The following TM9SF3 variants were observed in gnomAD, a reference collection of about 807,000 sequenced individuals.
TM9SF3 encodes the protein SM-11044-binding protein.
Under a neutral mutation model 78.6 loss-of-function variants are expected in TM9SF3, and 14 were observed. The ratio of observed to expected loss-of-function variants is 0.18; its 90% CI spans 0.12 to 0.28. The LOEUF is 0.28. Ranked by LOEUF, TM9SF3 falls within the 10% of genes least tolerant of loss-of-function variation. TM9SF3 has a pLI of 1.00. For synonymous variants in TM9SF3, 231 were observed against 241.7 expected, an observed-to-expected ratio of 0.96 and a Z score of 0.41; for missense variants, 496 against 721.9, an observed-to-expected ratio of 0.69 and a Z score of 3.59.
chr10:96,544,055 A>T (rs751674586), intron 9 of TM9SF3, 21 bp downstream of exon 9: 1 of 1,572,626 alleles, frequency 6.4e-7, no homozygotes, highest in South Asian at 1.2e-5. Flanking sequence ...TCAGTTTAAA[A>T]GTAAGATTCA....
At chr10:96,584,339 A>G (rs1334999436) in intron 1 of TM9SF3, among the ~76,000 whole-genome samples, 1 of 152,248 alleles carries the variant, frequency 6.6e-6, no homozygotes, top group African/African-American at 2.4e-5. Context: ...CGGTACTACT[A>G]TCTGGCTAAG....
At chr10:96,576,522 T>A in intron 2 of TM9SF3, 112 bp downstream of exon 2, 2 of 1,022,362 alleles carry the variant, frequency 2.0e-6, no homozygotes, top group Non-Finnish European at 2.8e-6. Context: ...AACATGTACA[T>A]AACAGCTCCA....
At chr10:96,571,527 T>C (rs1490794807) in intron 2 of TM9SF3, among the ~76,000 whole-genome samples, 1 of 152,196 alleles carries the variant, frequency 6.6e-6, no homozygotes, top group African/African-American at 2.4e-5. Context: ...TCCTCACCTT[T>C]TGGCAATCAG....
At chr10:96,575,506 T>C (rs1848486777) in intron 2 of TM9SF3, among the ~76,000 whole-genome samples, 1 of 152,082 alleles carries the variant, frequency 6.6e-6, no homozygotes, top group African/African-American at 2.4e-5. Flanking sequence ...GTATACCTAT[T>C]TTCAACAATA....
At chr10:96,532,268 T>TA (rs1847906869) in intron 10 of TM9SF3, among the ~76,000 whole-genome samples, 1 of 151,764 alleles carries the variant, frequency 6.6e-6, no homozygotes, top group Admixed American at 6.6e-5. Context: ...ACAAAAGTTC[T>TA]AACTAAAGTC....
In TM9SF3 at chr10:96,586,999, C is replaced by T; in HGVS notation, c.-164G>A. 2 of 393,908 alleles carry T rather than the reference C, an allele frequency of 5.1e-6. No individual in the cohort carries two copies. The highest frequency in any genetic ancestry group is 7.7e-6 in the Non-Finnish European group (2 of 260,432). The allele number at this position is 393,908 out of a possible 1,614,324, so 24.4% of individuals were successfully genotyped here. On this transcript the variant is annotated 5_prime_UTR_variant, in exon 1 of 15. Coordinates refer to ENST00000371142, the MANE Select transcript of TM9SF3 (RefSeq NM_020123.4). ...CCTCCTCTGCCGCCGCCGTCGCCGT[C>T]ACCGCCCGCTCCTGAGCCTCCCCCG...
intron 14 of TM9SF3, among the ~76,000 whole-genome samples, chr10:96,526,997 C>T (rs928248296): frequency 2.0e-5 from 3 of 151,940 alleles, no homozygotes; most frequent in Non-Finnish European, 4.4e-5. Flanking sequence ...AAATTCTGTG[C>T]TATACAGAAT....
intron 1 of TM9SF3, among the ~76,000 whole-genome samples, chr10:96,579,465 T>C (rs1848535646): frequency 6.6e-6 from 1 of 152,380 alleles, no homozygotes; most frequent in Non-Finnish European, 1.5e-5. Context: ...AGGGCATCCA[T>C]TTATTTTATA....
At position 96,535,963 on chromosome 10, in the gene TM9SF3, C is replaced by G. The variant is rs74151374; in HGVS notation, c.1186-2773G>C. Among the ~76,000 whole-genome samples, 962 of 152,188 alleles carry G rather than the reference C, an allele frequency of 6.3e-3. 13 individuals are homozygous for G. The highest frequency in any genetic ancestry group is 0.022 in the African/African-American group (916 of 41,526). The stretch of plus-strand genomic sequence containing the variant: ...ACCATATATAAAACAAATAATATAT[C>G]ATGACAAAGTGAAGTTCATCAAATG... On this transcript the variant is annotated intron_variant, in intron 9 of 14. Transcript: ENST00000371142.
At chr10:96,563,466 G>C (rs960286144) in intron 3 of TM9SF3, among the ~76,000 whole-genome samples, 1 of 151,772 alleles carries the variant, frequency 6.6e-6, no homozygotes, top group East Asian at 1.9e-4. Flanking sequence ...ACCTCCACCC[G>C]CTGGGTTCAA....
chr10:96,586,901 G>T lies in TM9SF3; in HGVS notation c.-66C>A. 8.8e-7 allele frequency: 1 copy of T among 1,137,648 alleles called. No individual in the cohort carries two copies. The highest frequency in any genetic ancestry group is 1.1e-6 in the Non-Finnish European group (1 of 922,182). The allele number at this position is 1,137,648 out of a possible 1,614,324, so 70.5% of individuals were successfully genotyped here. On this transcript the variant is annotated 5_prime_UTR_variant, in exon 1 of 15. Transcript: ENST00000371142. The stretch of plus-strand genomic sequence containing the variant: ...TCCTCCCGCCGCCGCCTCCTCCGCC[G>T]CCGCCGCCTCCGCCGCGGCCGATTC...
At chr10:96,544,575 T>G (rs1348240818) in intron 8 of TM9SF3, among the ~76,000 whole-genome samples, 2 of 152,264 alleles carry the variant, frequency 1.3e-5, no homozygotes, top group East Asian at 3.9e-4. Context: ...AACTATTCCT[T>G]GGAGTTCTGG....
At chr10:96,556,498 T>C (rs536769322) in intron 5 of TM9SF3, among the ~76,000 whole-genome samples, 11 of 152,350 alleles carry the variant, frequency 7.2e-5, no homozygotes, top group South Asian at 4.1e-4. Context: ...TTAGTCACTG[T>C]ATTAGAAGCA....
chr10:96,530,303 A>C (rs112329593), intron 11 of TM9SF3, among the ~76,000 whole-genome samples: 1 of 152,216 alleles, frequency 6.6e-6, no homozygotes, highest in Non-Finnish European at 1.5e-5. Context: ...TTGATTTCTA[A>C]GATTTCCTCT....
intron 3 of TM9SF3, 64 bp from the exon 4 acceptor site, chr10:96,562,202 T>C: frequency 9.6e-7 from 1 of 1,041,944 alleles, no homozygotes; most frequent in Non-Finnish European, 1.4e-6. Flanking sequence ...TCCTACAAGC[T>C]AAATGCTCAT....
At chr10:96,523,980 T>C (rs1194002662) in intron 14 of TM9SF3, among the ~76,000 whole-genome samples, 1 of 151,768 alleles carries the variant, frequency 6.6e-6, no homozygotes, top group African/African-American at 2.4e-5. Context: ...GGGAGAGACA[T>C]ATACTGAAAT....
In TM9SF3 at chr10:96,564,530, T is replaced by C. The variant is rs1019318616; in HGVS notation, c.421+774A>G. Among the ~76,000 whole-genome samples, 3 of 152,256 alleles carry C rather than the reference T, an allele frequency of 2.0e-5. No homozygotes were observed. In the East Asian group the frequency reaches 5.8e-4, roughly 29 times the overall value. Reference sequence around the variant, plus strand: ...CATATAATTATCTCTTGATATTAACTTTCTAAATTTCATCTTAGTATGATA... The same window carrying C: ...CATATAATTATCTCTTGATATTAACCTTCTAAATTTCATCTTAGTATGATA... On this transcript the variant is annotated intron_variant, in intron 3 of 14. Coordinates refer to ENST00000371142, the MANE Select transcript of TM9SF3 (RefSeq NM_020123.4).
chr10:96,537,497 A>C (rs188901475), intron 9 of TM9SF3, among the ~76,000 whole-genome samples: 6 of 152,358 alleles, frequency 3.9e-5, no homozygotes, highest in African/African-American at 1.4e-4. Context: ...CCCTGGCATT[A>C]AATGATGCAT....
intron 9 of TM9SF3, among the ~76,000 whole-genome samples, chr10:96,540,724 C>T (rs530091432): frequency 7.4e-5 from 11 of 149,148 alleles, no homozygotes; most frequent in Admixed American, 6.7e-4. Flanking sequence ...GAACAGCTCA[C>T]CTTAGATGAT....
Sources: gnomAD v4.1 joint callset for allele counts (sites outside exome capture counted in the v4.1 genomes callset) on GRCh38, gnomAD v4.1.1 for gene constraint, MANE v1.5 for transcripts, NCBI Gene and HGNC (gene_info 2026-07-23, HGNC 2026-07-21) for gene names.